Variants in EIF2B3 observed in about 807,000 individuals in gnomAD.
EIF2B3 encodes the protein translation initiation factor eIF2B subunit gamma.
In EIF2B3, 20 loss-of-function variants were observed where a neutral mutation model predicts 54.1. The observed-to-expected ratio is 0.37, with a 90% CI of 0.26 to 0.54. EIF2B3 has a LOEUF of 0.54. Ranked by LOEUF, EIF2B3 falls within the 20% of genes least tolerant of loss-of-function variation. EIF2B3 has a pLI of 0.86. For missense variants in EIF2B3, 448 were observed against 547.8 expected, an observed-to-expected ratio of 0.82 and a Z score of 1.82; for synonymous variants, 153 against 188.1, an observed-to-expected ratio of 0.81 and a Z score of 1.52.
intron 3 of EIF2B3, among the ~76,000 whole-genome samples, chr1:44,947,647 C>A (rs1007829962): frequency 6.6e-6 from 1 of 152,048 alleles, no homozygotes; most frequent in Admixed American, 6.6e-5. Context: ...ACATTTACTC[C>A]CTTGGAAAAA....
chr1:44,879,758 C>A, intron 8 of EIF2B3, 60 bp downstream of exon 8: 1 of 1,577,304 alleles, frequency 6.3e-7, no homozygotes, highest in Non-Finnish European at 8.7e-7. Flanking sequence ...AAGAAACAGA[C>A]AAGTGGCTCA....
At chr1:44,949,657 A>G (rs900853923) in intron 3 of EIF2B3, among the ~76,000 whole-genome samples, 4 of 152,208 alleles carry the variant, frequency 2.6e-5, no homozygotes, top group Non-Finnish European at 2.9e-5. Context: ...AAGGTAGGAA[A>G]TGAACCTGCT....
At chr1:44,972,293 ATAT>A (rs1301036756) in intron 3 of EIF2B3, among the ~76,000 whole-genome samples, 2 of 144,470 alleles carry the variant, frequency 1.4e-5, no homozygotes, top group Non-Finnish European at 3.0e-5. Context: ...ACACACATGT[ATAT>A]ACACACACAC....
chr1:44,865,638 A>G (rs1654748309), intron 10 of EIF2B3, among the ~76,000 whole-genome samples: 2 of 151,482 alleles, frequency 1.3e-5, no homozygotes, highest in Admixed American at 1.3e-4. Flanking sequence ...CTGGAGTGCA[A>G]TGGCGCGAAC....
chr1:44,878,685 A>C (rs1301955024), intron 8 of EIF2B3, among the ~76,000 whole-genome samples: 3 of 151,094 alleles, frequency 2.0e-5, no homozygotes, highest in Non-Finnish European at 4.4e-5. Context: ...TAATCTTTTC[A>C]TTATCTCACC....
At chr1:44,974,204 T>A (rs1482595442) in intron 3 of EIF2B3, among the ~76,000 whole-genome samples, 2 of 151,386 alleles carry the variant, frequency 1.3e-5, no homozygotes, top group Non-Finnish European at 1.5e-5. Flanking sequence ...CTGGGCATAG[T>A]GGCTCATGCC....
At chr1:44,860,657 GAA>G (rs1654577647) in intron 10 of EIF2B3, among the ~76,000 whole-genome samples, 1 of 152,160 alleles carries the variant, frequency 6.6e-6, no homozygotes, top group Admixed American at 6.5e-5. Context: ...AAGAAATTAA[GAA>G]AAGACTAGAA....
At chr1:44,944,929 T>C in intron 3 of EIF2B3, among the ~76,000 whole-genome samples, 1 of 152,124 alleles carries the variant, frequency 6.6e-6, no homozygotes, top group African/African-American at 2.4e-5. Context: ...CTCCAAACTT[T>C]CCTAATATTT....
chr1:44,879,708 G>C lies in EIF2B3; in HGVS notation c.975+110C>G, dbSNP rs896529758. On this transcript the variant is annotated intron_variant, in intron 8 of 11. Coordinates refer to ENST00000360403, the MANE Select transcript of EIF2B3 (RefSeq NM_020365.5). ...CGTGCCAGGTCTTGCTCAACCTTGGGAATGACAGGGATTCTTAACAAGTTA... is the reference window on the plus strand; with the variant it reads ...CGTGCCAGGTCTTGCTCAACCTTGGCAATGACAGGGATTCTTAACAAGTTA... 4 of 1,286,196 alleles carry C rather than the reference G, an allele frequency of 3.1e-6. No individual in the cohort carries two copies. The East Asian group carries it at 9.5e-5, about 30-fold the overall frequency. 79.7% of individuals were successfully genotyped at this position (1,286,196 alleles called of 1,614,324 possible).
chr1:44,942,949 G>A (rs573688484), intron 3 of EIF2B3, among the ~76,000 whole-genome samples: 349 of 151,766 alleles, frequency 2.3e-3, no homozygotes, highest in African/African-American at 5.2e-3. Flanking sequence ...TCCGCCTCCC[G>A]GGTTCATGCC....
At chr1:44,979,113 C>G (rs1338431753) in intron 2 of EIF2B3, among the ~76,000 whole-genome samples, 1 of 150,836 alleles carries the variant, frequency 6.6e-6, no homozygotes, top group Non-Finnish European at 1.5e-5. Flanking sequence ...ATGGCAAAAC[C>G]TTGTCTCTAT....
chr1:44,879,788 G>T, intron 8 of EIF2B3, 30 bp downstream of exon 8: 8 of 1,609,186 alleles, frequency 5.0e-6, no homozygotes, highest in Non-Finnish European at 6.8e-6. Context: ...TAGGACAAGA[G>T]CCCCATGATT....
intron 1 of EIF2B3, among the ~76,000 whole-genome samples, chr1:44,983,510 T>C (rs1321173594): frequency 2.0e-5 from 3 of 152,154 alleles, no homozygotes; most frequent in Admixed American, 2.0e-4. Flanking sequence ...GTAATTTAAT[T>C]TCATTTTGGT....
intron 3 of EIF2B3, among the ~76,000 whole-genome samples, chr1:44,975,075 G>A (rs931834248): frequency 1.3e-5 from 2 of 152,066 alleles, no homozygotes; most frequent in Non-Finnish European, 1.5e-5. Context: ...AAAATTAGCT[G>A]TGCATGGTAG....
intron 3 of EIF2B3, among the ~76,000 whole-genome samples, chr1:44,942,415 ATATTTTTTTTT>A (rs1644043423): frequency 1.4e-4 from 1 of 6,970 alleles, no homozygotes; most frequent in Non-Finnish European, 2.1e-4. Flanking sequence ...ATATATATAT[ATATTTTTTTTT>A]TTTTTTTTTT....
chr1:44,917,240 TC>T (rs957355984), intron 5 of EIF2B3, among the ~76,000 whole-genome samples: 24 of 152,266 alleles, frequency 1.6e-4, no homozygotes, highest in African/African-American at 5.5e-4. Flanking sequence ...ACACCTGTAA[TC>T]CCAGCACTTT....
At chr1:44,875,762 C>T in intron 8 of EIF2B3, 67 bp from the exon 9 acceptor site, 1 of 1,255,186 alleles carries the variant, frequency 8.0e-7, no homozygotes, top group Non-Finnish European at 1.2e-6. Flanking sequence ...TCTCCCTCTC[C>T]CTCTACCTCT....
At chr1:44,856,026 A>G (rs1654421185) in intron 11 of EIF2B3, among the ~76,000 whole-genome samples, 1 of 152,314 alleles carries the variant, frequency 6.6e-6, no homozygotes, top group Admixed American at 6.5e-5. Context: ...AGGAGAAAAC[A>G]CTTGGTCGGA....
intron 3 of EIF2B3, among the ~76,000 whole-genome samples, chr1:44,967,618 T>C (rs1434777645): frequency 6.6e-6 from 1 of 151,308 alleles, no homozygotes; most frequent in Non-Finnish European, 1.5e-5. Context: ...CACATGCCTG[T>C]AGTCCCAGCT....
Sources: gnomAD v4.1 joint callset for allele counts (sites outside exome capture counted in the v4.1 genomes callset) on GRCh38, gnomAD v4.1.1 for gene constraint, MANE v1.5 for transcripts, NCBI Gene and HGNC (gene_info 2026-07-23, HGNC 2026-07-21) for gene names.